RNF150: variants seen among roughly 807,000 people sequenced by gnomAD.
RNF150 encodes ring finger protein 150.
RNF150 carries 24 observed loss-of-function variants against 39.3 expected under a neutral mutation model. The ratio of observed to expected loss-of-function variants is 0.61; its 90% CI spans 0.44 to 0.86. The LOEUF (loss-of-function observed/expected upper bound fraction) is 0.86. Ranked by LOEUF, RNF150 falls within the 40% of genes least tolerant of loss-of-function variation. The pLI is 0.00. For missense variants in RNF150, 502 were observed against 587.8 expected (o/e 0.85, Z 1.51); for synonymous variants, 255 against 227.3 (o/e 1.12, Z -1.10).
chr4:141,050,648 A>G (rs1736740927), intron 1 of RNF150, among the ~76,000 whole-genome samples: 1 of 152,098 alleles, frequency 6.6e-6, no homozygotes, highest in Non-Finnish European at 1.5e-5. Context: ...ATCTCCTTTG[A>G]CTCCATGTCT....
At chr4:141,154,807 C>A (rs1727356153) in intron 1 of RNF150, among the ~76,000 whole-genome samples, 1 of 152,078 alleles carries the variant, frequency 6.6e-6, no homozygotes, top group Non-Finnish European at 1.5e-5. Flanking sequence ...AAGAGAGAAA[C>A]CATTATTCAA....
At chr4:141,056,261 C>T (rs186226510) in intron 1 of RNF150, among the ~76,000 whole-genome samples, 2 of 152,220 alleles carry the variant, frequency 1.3e-5, no homozygotes, top group African/African-American at 4.8e-5. Flanking sequence ...TTTGGCTGGG[C>T]ATGGTGGCTT....
intron 1 of RNF150, among the ~76,000 whole-genome samples, chr4:141,057,182 C>T (rs1051519934): frequency 5.3e-5 from 8 of 151,998 alleles, no homozygotes; most frequent in Admixed American, 2.0e-4. Context: ...ATAGTAAGTA[C>T]TTAAAACAGT....
chr4:140,930,941 G>C (rs1278814173), intron 4 of RNF150, among the ~76,000 whole-genome samples: 1 of 148,070 alleles, frequency 6.8e-6, no homozygotes, highest in African/African-American at 2.4e-5. Flanking sequence ...GATCTGCTGG[G>C]GTTTTTTTTT....
At chr4:140,875,239 G>A (rs1273046587) in intron 6 of RNF150, among the ~76,000 whole-genome samples, 1 of 147,574 alleles carries the variant, frequency 6.8e-6, no homozygotes, top group East Asian at 2.0e-4. Context: ...GGTGATCATA[G>A]TTCACTCCAA....
chr4:140,913,302 C>A (rs1268806232), intron 5 of RNF150, among the ~76,000 whole-genome samples: 1 of 152,154 alleles, frequency 6.6e-6, no homozygotes, highest in African/African-American at 2.4e-5. Flanking sequence ...GGGTATGTTT[C>A]TCCTCTTCTC....
At chr4:141,017,388 C>T (rs985090562) in intron 1 of RNF150, among the ~76,000 whole-genome samples, 5 of 152,006 alleles carry the variant, frequency 3.3e-5, no homozygotes, top group Non-Finnish European at 7.4e-5. Flanking sequence ...AGAGAGAGTT[C>T]CCACATAGTC....
chr4:140,927,712 A>T (rs1313982229), intron 4 of RNF150, among the ~76,000 whole-genome samples: 2 of 150,768 alleles, frequency 1.3e-5, no homozygotes, highest in African/African-American at 4.9e-5. Context: ...GCAGTAGTGC[A>T]ATCTCAGCTC....
In RNF150 at chr4:140,911,325, G is replaced by A. The variant is rs769060999; in HGVS notation, c.1017C>T (p.Pro339=). ...PPNADCMDDL[P]TDFEGSLGGP... ...CTCCCAGAGAGCCCTCGAAGTCAGT[G>A]GGCAAGTCGTCCATGCAGTCGGCAT... Residue 339 remains proline (P), a synonymous_variant, in exon 6 of 7, where the codon CCC becomes CCT. Transcript: ENST00000515673. 4 of 1,614,080 alleles carry A rather than the reference G, an allele frequency of 2.5e-6. No individual in the cohort carries two copies. In the South Asian group the frequency reaches 3.3e-5, roughly 13 times the overall value.
At chr4:141,030,996 T>C (rs1735922702) in intron 1 of RNF150, among the ~76,000 whole-genome samples, 1 of 152,012 alleles carries the variant, frequency 6.6e-6, no homozygotes, top group South Asian at 2.1e-4. Context: ...TAAAATATTT[T>C]TTAAAAAACA....
intron 2 of RNF150, among the ~76,000 whole-genome samples, chr4:140,963,184 A>G (rs1051922971): frequency 6.6e-6 from 1 of 152,046 alleles, no homozygotes; most frequent in Non-Finnish European, 1.5e-5. Flanking sequence ...AATGTTTTTA[A>G]ACATTGTCCC....
chr4:140,975,092 C>CA (rs1216734462), intron 1 of RNF150, among the ~76,000 whole-genome samples: 1 of 151,948 alleles, frequency 6.6e-6, no homozygotes, highest in African/African-American at 2.4e-5. Flanking sequence ...CCTGCCTCTA[C>CA]AAAAAATACG....
chr4:140,925,926 G>A (rs372928596), intron 5 of RNF150, 51 bp downstream of exon 5: 4 of 1,288,088 alleles, frequency 3.1e-6, no homozygotes, highest in Non-Finnish European at 3.4e-6. Context: ...CTGCTTTGAG[G>A]GCAACGCAGA....
At chr4:141,117,735 T>C (rs1726473728) in intron 1 of RNF150, among the ~76,000 whole-genome samples, 1 of 152,230 alleles carries the variant, frequency 6.6e-6, no homozygotes. Context: ...TTACAGGGTC[T>C]GTGAAGCAAG....
intron 1 of RNF150, among the ~76,000 whole-genome samples, chr4:141,012,277 G>A (rs1038111586): frequency 3.3e-5 from 5 of 152,216 alleles, no homozygotes; most frequent in Non-Finnish European, 7.3e-5. Context: ...GGTGGAGGCT[G>A]CTGGTCCTGA....
intron 1 of RNF150, among the ~76,000 whole-genome samples, chr4:141,123,405 T>C (rs928982807): frequency 3.9e-5 from 6 of 152,222 alleles, no homozygotes; most frequent in African/African-American, 7.2e-5. Context: ...TTCTCTATTA[T>C]GTAAAGCCAG....
chr4:141,164,712 A>G (rs1727570981), intron 1 of RNF150, among the ~76,000 whole-genome samples: 1 of 152,234 alleles, frequency 6.6e-6, no homozygotes, highest in African/African-American at 2.4e-5. Context: ...ATTAAGCTTC[A>G]TAAGTGAAGG....
rs188545965 is a variant in RNF150 at position 141,062,797 on chromosome 4, C to A, written c.484+69528G>T. On this transcript the variant is annotated intron_variant, in intron 1 of 6. Transcript: ENST00000515673. ...TCACCCAGGCAATGAGCACCGTACC[C>A]AACAGGCAGTCCTCCAGCCCTTGTC... 2.3e-3 allele frequency among the ~76,000 whole-genome samples: 350 copies of A among 152,252 alleles called. 1 individual carries two copies. The highest frequency in any genetic ancestry group is 8.2e-3 in the African/African-American group (341 of 41,544).
chr4:141,002,316 A>T (rs1292896798), intron 1 of RNF150, among the ~76,000 whole-genome samples: 1 of 152,038 alleles, frequency 6.6e-6, no homozygotes, highest in East Asian at 1.9e-4. Context: ...TCACACCAGG[A>T]CAGGTTATCT....
Sources: allele counts gnomAD v4.1 joint callset (sites outside exome capture counted in the v4.1 genomes callset), GRCh38; gene constraint gnomAD v4.1.1; transcripts MANE v1.5; gene names NCBI Gene and HGNC (gene_info 2026-07-23, HGNC 2026-07-21).